The following KIAA1143 variants were observed in gnomAD, a reference collection of about 807,000 sequenced individuals.
KIAA1143 encodes the protein KIAA1143, also known as uncharacterized protein KIAA1143.
KIAA1143 carries 8 observed loss-of-function variants against 17.0 expected under a neutral mutation model. The observed-to-expected ratio is 0.47, with a 90% CI of 0.28 to 0.85. The LOEUF (loss-of-function observed/expected upper bound fraction) is 0.85, where lower values mean the gene tolerates loss of function less well. Ranked by LOEUF, KIAA1143 falls within the 40% of genes least tolerant of loss-of-function variation. The pLI, the probability that KIAA1143 is intolerant of heterozygous loss-of-function variation, is 0.12. For synonymous variants in KIAA1143, 64 were observed against 67.8 expected, an observed-to-expected ratio of 0.94 and a Z score of 0.27; for missense variants, 162 against 183.3, an observed-to-expected ratio of 0.88 and a Z score of 0.67.
intron 1 of KIAA1143, among the ~76,000 whole-genome samples, chr3:44,760,830 G>A (rs1705092026): frequency 6.6e-6 from 1 of 151,764 alleles, no homozygotes; most frequent in Non-Finnish European, 1.5e-5. Flanking sequence ...CTACAGGCAT[G>A]TGCCACCATG....
intron 1 of KIAA1143, among the ~76,000 whole-genome samples, chr3:44,759,423 G>A (rs1270002761): frequency 6.6e-6 from 1 of 152,090 alleles, no homozygotes; most frequent in Non-Finnish European, 1.5e-5. Flanking sequence ...TGTCATCAAG[G>A]TTTTGTTTTT....
Position 44,749,931 on chromosome 3 carries a change from A to C in KIAA1143, c.*3410T>G, listed in dbSNP as rs533123546. The C allele has an allele frequency of 6.6e-6, 1 of 152,304 alleles. No homozygotes were observed. Among genetic ancestry groups the C allele is most frequent in the Admixed American group, 6.5e-5 (1 of 15,290 alleles). 9.4% of individuals were successfully genotyped at this position (152,304 alleles called of 1,614,324 possible). ...TAGCCTCCTGAGCAGCTGGGACTACAGGTGTGTGTCGCTACACCTGGCTAT... is the reference window on the plus strand; with the variant it reads ...TAGCCTCCTGAGCAGCTGGGACTACCGGTGTGTGTCGCTACACCTGGCTAT... On this transcript the variant is annotated 3_prime_UTR_variant, in exon 3 of 3. Transcript: ENST00000296121.
intron 1 of KIAA1143, among the ~76,000 whole-genome samples, chr3:44,760,708 C>T (rs1236821416): frequency 3.5e-5 from 4 of 114,616 alleles, no homozygotes; most frequent in South Asian, 2.8e-4. Context: ...TTTTTTGAGA[C>T]GGAGTCTCGC....
At chr3:44,761,287 C>T (rs1705109433) in intron 1 of KIAA1143, among the ~76,000 whole-genome samples, 1 of 152,186 alleles carries the variant, frequency 6.6e-6, no homozygotes, top group African/African-American at 2.4e-5. Context: ...AGGAACACAG[C>T]AGCGCTCTGA....
At chr3:44,756,429 G>C (rs1292979663) in intron 1 of KIAA1143, among the ~76,000 whole-genome samples, 2 of 152,156 alleles carry the variant, frequency 1.3e-5, no homozygotes, top group African/African-American at 4.8e-5. Context: ...TCGGTGTGGT[G>C]GTGGGCACCT....
At chr3:44,755,122 C>A (rs1268470656) in intron 1 of KIAA1143, among the ~76,000 whole-genome samples, 2 of 152,150 alleles carry the variant, frequency 1.3e-5, no homozygotes, top group African/African-American at 4.8e-5. Context: ...TTGTACAGTA[C>A]TTTAAGATAT....
intron 2 of KIAA1143, among the ~76,000 whole-genome samples, chr3:44,753,768 C>A (rs973768436): frequency 1.3e-5 from 2 of 152,158 alleles, no homozygotes; most frequent in African/African-American, 4.8e-5. Context: ...ATTGTCAGTT[C>A]CCAATTACAA....
chr3:44,759,894 C>CAAAAAAACAAAA (rs1705040090), intron 1 of KIAA1143, among the ~76,000 whole-genome samples: 1 of 51,102 alleles, frequency 2.0e-5, no homozygotes, highest in Non-Finnish European at 3.7e-5. Flanking sequence ...GACCCTATCT[C>CAAAAAAACAAAA]AAAAAAAAAA....
rs1704877284 is a variant in KIAA1143, at chr3:44,750,232, A to T, written c.*3109T>A. The stretch of plus-strand genomic sequence containing the variant: ...TTCAAAAACTTTTGACCTTAAACTA[A>T]CTTTTTGGATATTAGGCTTCCTGAA... On this transcript the variant is annotated 3_prime_UTR_variant, in exon 3 of 3. Transcript: ENST00000296121. 6.6e-6 allele frequency: 1 copy of T among 152,146 alleles called. No individual in the cohort carries two copies. Among genetic ancestry groups the T allele is most frequent in the Non-Finnish European group, 1.5e-5 (1 of 68,034 alleles). 9.4% of individuals were successfully genotyped at this position (152,146 alleles called of 1,614,324 possible). A position where few individuals can be genotyped will look rare whatever the true frequency, so the allele number is the denominator to read the frequency against.
chr3:44,753,180 G>A lies in KIAA1143; in HGVS notation c.*161C>T, dbSNP rs1704914095. On this transcript the variant is annotated 3_prime_UTR_variant, in exon 3 of 3. Transcript: ENST00000296121. ...AATTTCTATAGAGTTGGCATTTTAA[G>A]TCAGAGGGGTATTGATGAATAGATG... The A allele has an allele frequency of 1.9e-6, 1 of 517,392 alleles. No individual in the cohort carries two copies. The highest frequency in any genetic ancestry group is 1.9e-5 in the African/African-American group (1 of 52,100). 32.1% of individuals were successfully genotyped at this position (517,392 alleles called of 1,614,324 possible).
At chr3:44,756,739 G>A (rs1174259630) in intron 1 of KIAA1143, among the ~76,000 whole-genome samples, 1 of 152,134 alleles carries the variant, frequency 6.6e-6, no homozygotes, top group East Asian at 1.9e-4. Context: ...TGAAAGAAGG[G>A]TGAGTACAGT....
intron 1 of KIAA1143, among the ~76,000 whole-genome samples, chr3:44,760,747 GCCATCTCAACTCACTGCAACGTCCA>G (rs1376137460): frequency 7.0e-6 from 1 of 143,578 alleles, no homozygotes; most frequent in Admixed American, 7.2e-5. Flanking sequence ...GTGCAGCTGC[GCCATCTCAACTCACTGCAACGTCCA>G]CCTCCCGGGT....
chr3:44,761,521 T>A lies in KIAA1143; in HGVS notation c.82A>T (p.Arg28Trp). 1 of 1,613,890 alleles carries A rather than the reference T, an allele frequency of 6.2e-7. No individual in the cohort carries two copies. Among genetic ancestry groups the A allele is most frequent in the Non-Finnish European group, 8.5e-7 (1 of 1,179,864 alleles). The change falls in exon 1 of 3, where the codon AGG becomes TGG. Residue 28 changes from arginine (R) to tryptophan (W), a missense_variant. Physicochemically the swap from Arg to Trp is moderately radical, Grantham distance 101. This residue lies in a region of KIAA1143 where 137 missense variants were observed against 132.5 expected (regional missense o/e 1.03). Transcript: ENST00000296121. ...LARFKERVGY[R>W]EGPTVETKRI... ...TTAGTCTCTACGGTGGGTCCCTCCC[T>A]GTAGCCGACCCGTTCCTTGAAGCGG... is the stretch of plus-strand genomic sequence containing the variant.
In KIAA1143 at chr3:44,759,306, A is replaced by G. The variant is rs146926695; in HGVS notation, c.108+2189T>C. 1.4e-3 allele frequency among the ~76,000 whole-genome samples: 219 copies of G among 152,256 alleles called. 7 individuals carry two copies. The highest frequency in any genetic ancestry group is 0.013 in the Admixed American group (192 of 15,286). Reference sequence around the variant, plus strand: ...TCAGAGTTCTTGGGTGACCAAGTGTATTGTCCATGAGCAATAATATATTGA... The same window carrying G: ...TCAGAGTTCTTGGGTGACCAAGTGTGTTGTCCATGAGCAATAATATATTGA... On this transcript the variant is annotated intron_variant, in intron 1 of 2. Coordinates refer to ENST00000296121, the MANE Select transcript of KIAA1143 (RefSeq NM_020696.4).
intron 1 of KIAA1143, among the ~76,000 whole-genome samples, chr3:44,755,721 G>A (rs1264596926): frequency 2.6e-5 from 4 of 152,164 alleles, no homozygotes; most frequent in Non-Finnish European, 5.9e-5. Flanking sequence ...TTCTTACACT[G>A]TGCATAGCTC....
Position 44,761,572 on chromosome 3 carries a change from G to C in KIAA1143, c.31C>G (p.Arg11Gly), listed in dbSNP as rs768987702. Residue 11 changes from arginine (R) to glycine (G), a missense_variant, in exon 1 of 3, where the codon CGG becomes GGG. By Grantham distance (125) the Arg-to-Gly change is moderately radical. Around this residue, in one of 2 missense-constraint regions of KIAA1143, gnomAD observed 137 missense variants for 132.5 expected, o/e 1.03. Transcript: ENST00000296121. ...GCCAGAAACGCCGGCTCGGCTGGCC[G>C]CACGTACGATACCTGGTTCCGCTTG... is the stretch of plus-strand genomic sequence containing the variant. MSKRNQVSYV[R>G]PAEPAFLARF... 1.2e-5 allele frequency: 19 copies of C among 1,613,634 alleles called. No homozygotes were observed. In the South Asian group the frequency reaches 2.0e-4, roughly 17 times the overall value.
intron 1 of KIAA1143, among the ~76,000 whole-genome samples, chr3:44,758,252 G>A (rs748991271): frequency 6.6e-6 from 1 of 152,158 alleles, no homozygotes; most frequent in African/African-American, 2.4e-5. Flanking sequence ...GAAAGGCGGG[G>A]TGGCTGTGGC....
At chr3:44,761,391 G>A (rs571775087) in intron 1 of KIAA1143, 104 bp downstream of exon 1, 112 of 829,928 alleles carry the variant, frequency 1.3e-4, no homozygotes, top group South Asian at 1.1e-3. Flanking sequence ...TTCGAGCGCG[G>A]GTGAAAAGAG....
At chr3:44,754,120 C>G (rs977976231) in intron 2 of KIAA1143, 104 bp downstream of exon 2, 1 of 1,205,472 alleles carries the variant, frequency 8.3e-7, no homozygotes, top group African/African-American at 1.5e-5. Flanking sequence ...GGCTTGAACC[C>G]GGAACTGCCA....
Sources: allele counts gnomAD v4.1 joint callset (sites outside exome capture counted in the v4.1 genomes callset), GRCh38; gene constraint gnomAD v4.1.1; regional missense constraint gnomAD v4.1.1; transcripts MANE v1.5; gene names NCBI Gene and HGNC (gene_info 2026-07-23, HGNC 2026-07-21).